Variants in SLC6A5 observed in about 807,000 individuals in gnomAD.
The protein encoded by SLC6A5 is solute carrier family 6 member 5.
Under a neutral mutation model 90.5 loss-of-function variants are expected in SLC6A5, and 58 were observed. That is an observed-to-expected ratio of 0.64 (90% CI 0.52 to 0.80). SLC6A5 has a LOEUF of 0.80. Ranked by LOEUF, SLC6A5 falls within the 30% of genes least tolerant of loss-of-function variation. SLC6A5 has a pLI of 0.00. For synonymous variants in SLC6A5, 427 were observed against 401.4 expected (o/e 1.06, Z -0.76); for missense variants, 1,015 against 1,017.6 (o/e 1.00, Z 0.03).
At chr11:20,635,773 A>G (rs1226882531) in intron 10 of SLC6A5, among the ~76,000 whole-genome samples, 7 of 152,154 alleles carry the variant, frequency 4.6e-5, no homozygotes, top group African/African-American at 1.7e-4. Flanking sequence ...TTTGTTGGCA[A>G]GAAGCTCTCT....
intron 4 of SLC6A5, 83 bp downstream of exon 4, chr11:20,607,221 C>A: frequency 2.0e-6 from 3 of 1,524,948 alleles, no homozygotes; most frequent in South Asian, 1.2e-5. Context: ...GGGAGGGAGA[C>A]CTGCCTTTGT....
At chr11:20,622,757 C>T (rs550318550) in intron 7 of SLC6A5, among the ~76,000 whole-genome samples, 2 of 149,482 alleles carry the variant, frequency 1.3e-5, no homozygotes, top group African/African-American at 2.5e-5. Flanking sequence ...TATAAGCCAC[C>T]GCTGTCTAGG....
rs549181265 is a variant in SLC6A5, at chr11:20,630,626, C to T, written c.1500-65C>T. On this transcript the variant is annotated intron_variant, in intron 9 of 15. Coordinates refer to ENST00000525748, the MANE Select transcript of SLC6A5 (RefSeq NM_004211.5). ...ACATGTGGGCACACATTTGTGTGTC[C>T]TTCCCCTTGTCCCTTTCCACTCACC... is the stretch of plus-strand genomic sequence containing the variant. 1.3e-5 allele frequency: 20 copies of T among 1,589,814 alleles called. No individual in the cohort carries two copies. The South Asian group carries it at 1.7e-4, about 13-fold the overall frequency.
At chr11:20,613,061 A>G (rs1852722749) in intron 5 of SLC6A5, among the ~76,000 whole-genome samples, 8 of 152,074 alleles carry the variant, frequency 5.3e-5, no homozygotes, top group Admixed American at 3.3e-4. Flanking sequence ...TAGGTGTTTG[A>G]ATTTATAATC....
At chr11:20,628,933 C>T (rs1444602842) in intron 9 of SLC6A5, among the ~76,000 whole-genome samples, 1 of 152,204 alleles carries the variant, frequency 6.6e-6, no homozygotes, top group African/African-American at 2.4e-5. Flanking sequence ...ATTTGCTGCA[C>T]ACTTGCTCTG....
intron 10 of SLC6A5, 36 bp from the exon 11 acceptor site, chr11:20,636,271 G>C (rs200691684): frequency 2.3e-5 from 31 of 1,330,742 alleles, no homozygotes; most frequent in Admixed American, 3.4e-5. Context: ...GCCTTGAGTA[G>C]GGCCTGCCTG....
At chr11:20,618,010 C>T (rs568710742) in intron 7 of SLC6A5, 126 bp downstream of exon 7, 2 of 961,154 alleles carry the variant, frequency 2.1e-6, no homozygotes, top group Admixed American at 1.8e-5. Context: ...TGCCCTGGAG[C>T]AGCTGAGGGG....
chr11:20,609,761 C>A (rs1419699786), intron 5 of SLC6A5, among the ~76,000 whole-genome samples: 1 of 152,214 alleles, frequency 6.6e-6, no homozygotes, highest in Non-Finnish European at 1.5e-5. Context: ...ATGACACTCT[C>A]AGTGCTGCAA....
In SLC6A5 at chr11:20,637,311, G is replaced by C. The variant is rs777632715; in HGVS notation, c.1869+8G>C. 1.9e-6 allele frequency: 3 copies of C among 1,611,620 alleles called. No homozygotes were observed. Among genetic ancestry groups the C allele is most frequent in the Non-Finnish European group, 2.5e-6 (3 of 1,178,528 alleles). ...TTTCCAATGATCACTCAGGTAAGCT[G>C]CCTCCTAGGCACAGGCTTGGGGTGG... On this transcript the variant is annotated splice_region_variant and intron_variant, in intron 12 of 15. Coordinates refer to ENST00000525748, the MANE Select transcript of SLC6A5 (RefSeq NM_004211.5).
At chr11:20,603,934 G>A (rs1852525830) in intron 2 of SLC6A5, among the ~76,000 whole-genome samples, 1 of 152,082 alleles carries the variant, frequency 6.6e-6, no homozygotes, top group African/African-American at 2.4e-5. Context: ...TGGGGATGGA[G>A]GGACCTGCTT....
intron 5 of SLC6A5, among the ~76,000 whole-genome samples, chr11:20,612,686 T>C (rs529223576): frequency 1.3e-5 from 2 of 152,182 alleles, no homozygotes; most frequent in Non-Finnish European, 2.9e-5. Context: ...CCTGGCTAAT[T>C]TTTAAAATGT....
intron 14 of SLC6A5, among the ~76,000 whole-genome samples, chr11:20,651,246 C>T (rs1331322194): frequency 8.5e-6 from 1 of 117,488 alleles, no homozygotes; most frequent in Non-Finnish European, 1.8e-5. Context: ...TGCCCTCTCC[C>T]CTCCCCTCCT....
intron 8 of SLC6A5, 120 bp from the exon 9 acceptor site, chr11:20,627,860 G>A (rs1370822084): frequency 2.5e-5 from 19 of 748,604 alleles, no homozygotes; most frequent in Non-Finnish European, 3.6e-5. Context: ...TTGATGTCGG[G>A]GGTCATCTTG....
intron 6 of SLC6A5, among the ~76,000 whole-genome samples, chr11:20,616,833 C>T (rs1456709091): frequency 6.6e-6 from 1 of 152,176 alleles, no homozygotes; most frequent in East Asian, 1.9e-4. Context: ...GGGCTGCTGC[C>T]TACATTTCCT....
chr11:20,652,173 T>C, intron 14 of SLC6A5, 116 bp from the exon 15 acceptor site: 1 of 922,264 alleles, frequency 1.1e-6, no homozygotes, highest in South Asian at 1.3e-5. Flanking sequence ...TACTCTTTCG[T>C]GGGTATAGAA....
At chr11:20,618,862 G>A (rs995870746) in intron 7 of SLC6A5, among the ~76,000 whole-genome samples, 23 of 151,964 alleles carry the variant, frequency 1.5e-4, no homozygotes, top group Admixed American at 6.6e-5. Context: ...ACTTGAACCC[G>A]GGAGGCGGAG....
At chr11:20,600,389 A>AGAAGAAGAAGAAGAAGAG (rs1852442709) in intron 1 of SLC6A5, among the ~76,000 whole-genome samples, 1 of 148,992 alleles carries the variant, frequency 6.7e-6, no homozygotes, top group African/African-American at 2.5e-5. Flanking sequence ...AAGAAGAAGA[A>AGAAGAAGAAGAAGAAGAG]GAAGAAGAAG....
At chr11:20,644,198 C>G (rs1853366555) in intron 13 of SLC6A5, among the ~76,000 whole-genome samples, 1 of 152,202 alleles carries the variant, frequency 6.6e-6, no homozygotes, top group Non-Finnish European at 1.5e-5. Flanking sequence ...TTCCTCCTGT[C>G]TAACTGAAAC....
intron 5 of SLC6A5, 55 bp downstream of exon 5, chr11:20,607,707 C>G: frequency 7.0e-7 from 1 of 1,424,714 alleles, no homozygotes; most frequent in Non-Finnish European, 9.9e-7. Flanking sequence ...TCCATTTATT[C>G]AGCAAAATAA....
Sources: gnomAD v4.1 joint callset for allele counts (sites outside exome capture counted in the v4.1 genomes callset) on GRCh38, gnomAD v4.1.1 for gene constraint, MANE v1.5 for transcripts, NCBI Gene and HGNC (gene_info 2026-07-23, HGNC 2026-07-21) for gene names.